Variants in SCFD2 observed in about 807,000 individuals in gnomAD.
The protein encoded by SCFD2 is sec1 family domain containing 2.
In SCFD2, 54 loss-of-function variants were observed where a neutral mutation model predicts 58.9. The observed-to-expected ratio is 0.92, with a 90% CI of 0.74 to 1.15. The LOEUF (loss-of-function observed/expected upper bound fraction) is 1.15. Ranked by LOEUF, SCFD2 falls within the 50% of genes most tolerant of loss-of-function variation. The pLI, the probability that SCFD2 is intolerant of heterozygous loss-of-function variation, is 0.00. For missense variants in SCFD2, 805 were observed against 836.6 expected (o/e 0.96, Z 0.47); for synonymous variants, 321 against 335.9 (o/e 0.96, Z 0.49).
At chr4:53,256,774 A>G (rs1730651465) in intron 4 of SCFD2, among the ~76,000 whole-genome samples, 1 of 151,524 alleles carries the variant, frequency 6.6e-6, no homozygotes, top group South Asian at 2.1e-4. Flanking sequence ...CTGAGGCAGG[A>G]GAATCAGGCA....
At chr4:53,054,495 AT>A (rs1182877550) in intron 5 of SCFD2, among the ~76,000 whole-genome samples, 3 of 152,186 alleles carry the variant, frequency 2.0e-5, no homozygotes, top group African/African-American at 7.2e-5. Flanking sequence ...ATTGAAAAAT[AT>A]GCAGTAAGAC....
intron 5 of SCFD2, among the ~76,000 whole-genome samples, chr4:53,105,877 C>G (rs1724983925): frequency 6.6e-6 from 1 of 151,006 alleles, no homozygotes; most frequent in South Asian, 2.1e-4. Flanking sequence ...CCCTGACCCC[C>G]CCACCCCCCG....
chr4:53,352,256 T>C (rs1734243627), intron 2 of SCFD2, among the ~76,000 whole-genome samples: 1 of 152,140 alleles, frequency 6.6e-6, no homozygotes, highest in African/African-American at 2.4e-5. Flanking sequence ...TGTGAAAAAG[T>C]CAACTGGGAA....
At chr4:53,201,810 A>G (rs1261364863) in intron 4 of SCFD2, among the ~76,000 whole-genome samples, 3 of 152,238 alleles carry the variant, frequency 2.0e-5, no homozygotes, top group African/African-American at 2.4e-5. Context: ...TTTTTTGGCT[A>G]CATAAATGTC....
intron 4 of SCFD2, among the ~76,000 whole-genome samples, chr4:53,150,516 C>A (rs534732775): frequency 1.3e-5 from 2 of 152,006 alleles, no homozygotes; most frequent in African/African-American, 4.8e-5. Context: ...GGAACCTTGA[C>A]AATAACGAAG....
chr4:53,361,760 C>T (rs1311161347), intron 1 of SCFD2, among the ~76,000 whole-genome samples: 1 of 152,150 alleles, frequency 6.6e-6, no homozygotes, highest in Non-Finnish European at 1.5e-5. Flanking sequence ...CTTAAGTTTT[C>T]CTGTGAGCCC....
chr4:53,272,956 A>G lies in SCFD2; in HGVS notation c.1311+870T>C, dbSNP rs181646805. ...TTAAAACCCATAGCATAAATGCTCT[A>G]TATTATTTATGAGAAAGCAAACATC... On this transcript the variant is annotated intron_variant, in intron 4 of 8. Coordinates refer to ENST00000401642, the MANE Select transcript of SCFD2 (RefSeq NM_152540.4). 2.5e-4 allele frequency among the ~76,000 whole-genome samples: 38 copies of G among 152,324 alleles called. No individual in the cohort carries two copies. The East Asian group carries it at 7.1e-3, about 29-fold the overall frequency.
At chr4:53,277,417 C>T (rs1459395663) in intron 3 of SCFD2, among the ~76,000 whole-genome samples, 1 of 152,120 alleles carries the variant, frequency 6.6e-6, no homozygotes, top group African/African-American at 2.4e-5. Context: ...CTCCTAAACA[C>T]ATAGAACTTA....
At chr4:53,249,070 G>A (rs968413622) in intron 4 of SCFD2, among the ~76,000 whole-genome samples, 10 of 152,128 alleles carry the variant, frequency 6.6e-5, no homozygotes, top group Non-Finnish European at 8.8e-5. Flanking sequence ...AAATTTAGAC[G>A]ATTGTATTAA....
chr4:53,076,941 C>T (rs1577708170), intron 5 of SCFD2, among the ~76,000 whole-genome samples: 1 of 152,170 alleles, frequency 6.6e-6, no homozygotes, highest in East Asian at 1.9e-4. Flanking sequence ...ATTGCTCACT[C>T]AAAGTATGCC....
rs1010677643 is a variant in SCFD2 at position 53,341,527 on chromosome 4, G to C, written c.1007+11071C>G. On this transcript the variant is annotated intron_variant, in intron 2 of 8. Coordinates refer to ENST00000401642, the MANE Select transcript of SCFD2 (RefSeq NM_152540.4). ...GGGAGAATGGAACCAAGTTGGAAAAGACTCTGCAGGATATTTTCCAGGAAA... is the reference window on the plus strand; with the variant it reads ...GGGAGAATGGAACCAAGTTGGAAAACACTCTGCAGGATATTTTCCAGGAAA... Among the ~76,000 whole-genome samples, 8 of 152,156 alleles carry C rather than the reference G, an allele frequency of 5.3e-5. No homozygotes were observed. The South Asian group carries it at 6.2e-4, about 12-fold the overall frequency.
At chr4:53,171,883 T>C (rs1727188443) in intron 4 of SCFD2, among the ~76,000 whole-genome samples, 1 of 151,748 alleles carries the variant, frequency 6.6e-6, no homozygotes, top group African/African-American at 2.4e-5. Flanking sequence ...CTCTCTCATT[T>C]TCTTAGTTTA....
chr4:53,256,082 C>T (rs1730611885), intron 4 of SCFD2, among the ~76,000 whole-genome samples: 1 of 151,320 alleles, frequency 6.6e-6, no homozygotes, highest in Non-Finnish European at 1.5e-5. Context: ...CCACCTCCCT[C>T]CCGGACGGGG....
At chr4:53,134,274 A>T (rs1725874301) in intron 5 of SCFD2, among the ~76,000 whole-genome samples, 1 of 152,182 alleles carries the variant, frequency 6.6e-6, no homozygotes, top group African/African-American at 2.4e-5. Flanking sequence ...GCTGTGCAAC[A>T]TGGTGCCTAT....
chr4:52,975,311 A>C (rs2109557633), intron 5 of SCFD2, among the ~76,000 whole-genome samples: 1 of 152,328 alleles, frequency 6.6e-6, no homozygotes, highest in Middle Eastern at 3.4e-3. Context: ...AATGAACTCA[A>C]ACAAATTTAT....
At chr4:53,249,076 A>C (rs1452214601) in intron 4 of SCFD2, among the ~76,000 whole-genome samples, 1 of 152,202 alleles carries the variant, frequency 6.6e-6, no homozygotes, top group Non-Finnish European at 1.5e-5. Context: ...AGACGATTGT[A>C]TTAAATAGAA....
intron 7 of SCFD2, among the ~76,000 whole-genome samples, chr4:52,900,117 A>T (rs1255263401): frequency 3.9e-5 from 6 of 152,002 alleles, no homozygotes; most frequent in African/African-American, 1.4e-4. Flanking sequence ...AGCTCGGAGT[A>T]GTTTGATCTT....
At chr4:53,202,599 C>T (rs1464732488) in intron 4 of SCFD2, among the ~76,000 whole-genome samples, 1 of 152,148 alleles carries the variant, frequency 6.6e-6, no homozygotes, top group African/African-American at 2.4e-5. Flanking sequence ...GGCATTGAAT[C>T]TGTAAATTAC....
At chr4:53,103,532 C>A (rs1401922323) in intron 5 of SCFD2, among the ~76,000 whole-genome samples, 1 of 148,396 alleles carries the variant, frequency 6.7e-6, no homozygotes, top group African/African-American at 2.5e-5. Context: ...TCTATATTTT[C>A]ATGGTTTTTA....
Sources: gnomAD v4.1 joint callset for allele counts (sites outside exome capture counted in the v4.1 genomes callset) on GRCh38, gnomAD v4.1.1 for gene constraint, MANE v1.5 for transcripts, NCBI Gene and HGNC (gene_info 2026-07-23, HGNC 2026-07-21) for gene names.